The following RDH11 variants were observed in gnomAD, a reference collection of about 807,000 sequenced individuals.
RDH11 encodes the protein retinol dehydrogenase 11.
RDH11 carries 19 observed loss-of-function variants against 33.4 expected under a neutral mutation model. The ratio of observed to expected loss-of-function variants is 0.57; its 90% CI spans 0.40 to 0.83. The LOEUF (loss-of-function observed/expected upper bound fraction) is 0.83. RDH11 is among the 40% of genes least tolerant of loss of function. RDH11 has a pLI of 0.00. For missense variants in RDH11, 353 were observed against 389.0 expected, an observed-to-expected ratio of 0.91 and a Z score of 0.78; for synonymous variants, 154 against 155.3, an observed-to-expected ratio of 0.99 and a Z score of 0.06.
rs139757629 is a variant in RDH11 at position 67,693,164 on chromosome 14, T to C, written c.75-112A>G. 5.2e-3 allele frequency: 3,426 copies of C among 654,946 alleles called. 117 individuals carry two copies. The Admixed American group carries it at 0.071, about 14-fold the overall frequency. 40.6% of individuals were successfully genotyped at this position (654,946 alleles called of 1,614,324 possible). A position where few individuals can be genotyped will look rare whatever the true frequency, so the allele number is the denominator to read the frequency against. On this transcript the variant is annotated intron_variant, in intron 1 of 6. Coordinates refer to ENST00000381346, the MANE Select transcript of RDH11 (RefSeq NM_016026.4). Reference sequence around the variant, plus strand: ...AGGTTTGCTTTAGTTCTTTCCACTGTTGTCCTTTTAAGGAAACAGTGTCCA... The same window carrying C: ...AGGTTTGCTTTAGTTCTTTCCACTGCTGTCCTTTTAAGGAAACAGTGTCCA...
At chr14:67,693,844 T>A (rs1343326378) in intron 1 of RDH11, among the ~76,000 whole-genome samples, 2 of 152,048 alleles carry the variant, frequency 1.3e-5, no homozygotes, top group Non-Finnish European at 2.9e-5. Context: ...AGAGACAGGG[T>A]TTCACCACGC....
At chr14:67,688,821 G>A (rs1338211805) in intron 5 of RDH11, among the ~76,000 whole-genome samples, 1 of 152,134 alleles carries the variant, frequency 6.6e-6, no homozygotes, top group African/African-American at 2.4e-5. Flanking sequence ...CTTGCTAATT[G>A]TCTTTCTCCC....
Position 67,677,218 on chromosome 14 carries a change from AT to A in RDH11, c.*1102del, listed in dbSNP as rs1490922792. 3 of 152,170 alleles carry A rather than the reference AT, an allele frequency of 2.0e-5. No individual in the cohort carries two copies. The highest frequency in any genetic ancestry group is 4.4e-5 in the Non-Finnish European group (3 of 68,034). 9.4% of individuals were successfully genotyped at this position (152,170 alleles called of 1,614,324 possible). ...AAGAAGTCTCCAAATAAAATACAAA[AT>A]TTTGGCACAGACATTTTAATCTTGT... On this transcript the variant is annotated 3_prime_UTR_variant, in exon 7 of 7. Coordinates refer to ENST00000381346, the MANE Select transcript of RDH11 (RefSeq NM_016026.4).
intron 5 of RDH11, among the ~76,000 whole-genome samples, chr14:67,687,759 C>T (rs974878648): frequency 1.3e-5 from 2 of 151,264 alleles, no homozygotes; most frequent in Non-Finnish European, 2.9e-5. Context: ...GCATGAGCCA[C>T]CACGTCCGGC....
chr14:67,691,024 T>C, intron 4 of RDH11, 116 bp downstream of exon 4: 2 of 725,570 alleles, frequency 2.8e-6, no homozygotes, highest in Non-Finnish European at 5.0e-6. Flanking sequence ...TATGCACACA[T>C]GGTCTATTAT....
intron 5 of RDH11, among the ~76,000 whole-genome samples, chr14:67,689,273 T>G (rs1048774142): frequency 1.3e-5 from 2 of 152,232 alleles, no homozygotes; most frequent in African/African-American, 4.8e-5. Context: ...ATTCCAACTA[T>G]AGGGCACCTG....
chr14:67,692,902 A>G, intron 2 of RDH11, 32 bp downstream of exon 2: 1 of 1,377,708 alleles, frequency 7.3e-7, no homozygotes, highest in Non-Finnish European at 1.0e-6. Flanking sequence ...AAACAGCAGT[A>G]ATAGGAGGGA....
Position 67,685,216 on chromosome 14 carries a change from T to A in RDH11, c.665-12A>T. 6.2e-7 allele frequency: 1 copy of A among 1,605,838 alleles called. No individual in the cohort carries two copies. Among genetic ancestry groups the A allele is most frequent in the Non-Finnish European group, 8.5e-7 (1 of 1,175,532 alleles). ...CGTAACGCCAGAGCCTGGTTGGGGG[T>A]GGCATGAAGAGAGGGTAAGACAGGA... On this transcript the variant is annotated splice_polypyrimidine_tract_variant and intron_variant, in intron 5 of 6. Coordinates refer to ENST00000381346, the MANE Select transcript of RDH11 (RefSeq NM_016026.4).
intron 1 of RDH11, among the ~76,000 whole-genome samples, chr14:67,694,516 A>ATT (rs199846421): frequency 2.2e-5 from 3 of 138,490 alleles, no homozygotes; most frequent in Non-Finnish European, 1.5e-5. Context: ...ACACACATAT[A>ATT]TTTTTTTTTT....
chr14:67,684,958 C>A, intron 6 of RDH11, 57 bp downstream of exon 6: 2 of 1,465,910 alleles, frequency 1.4e-6, no homozygotes, highest in South Asian at 1.3e-5. Flanking sequence ...CCAGACAAAC[C>A]CAAATTATCT....
At chr14:67,681,549 G>A (rs1179283353) in intron 6 of RDH11, among the ~76,000 whole-genome samples, 3 of 152,160 alleles carry the variant, frequency 2.0e-5, no homozygotes, top group Non-Finnish European at 2.9e-5. Flanking sequence ...TTGGGAGGCC[G>A]AGGAGGGGGA....
At chr14:67,688,105 C>T (rs2037704267) in intron 5 of RDH11, among the ~76,000 whole-genome samples, 1 of 152,080 alleles carries the variant, frequency 6.6e-6, no homozygotes. Context: ...ACCTCTAATC[C>T]ATTTAATTTC....
intron 3 of RDH11, chr14:67,691,944 T>C (rs2037755753): frequency 6.5e-6 from 1 of 154,100 alleles, no homozygotes; most frequent in African/African-American, 2.4e-5. Context: ...GCTCGGGTTC[T>C]AATTTTTTGC....
Position 67,688,855 on chromosome 14 carries a change from A to G in RDH11, c.664+1357T>C, listed in dbSNP as rs373193881. Among the ~76,000 whole-genome samples, 46 of 152,306 alleles carry G rather than the reference A, an allele frequency of 3.0e-4. 1 individual carries two copies. Among genetic ancestry groups the G allele is most frequent in the African/African-American group, 1.1e-3 (45 of 41,578 alleles). ...CCCCGTTAGATGTAAACCAAACCAA[A>G]GAAGAGACTATACCTATCTTGTTCA... On this transcript the variant is annotated intron_variant, in intron 5 of 6. Transcript: ENST00000381346.
chr14:67,689,967 C>T (rs2037728520), intron 5 of RDH11: 1 of 416,084 alleles, frequency 2.4e-6, no homozygotes, highest in African/African-American at 2.0e-5. Flanking sequence ...AGTTAAGTAA[C>T]TTGCTATAGA....
chr14:67,692,585 C>T lies in RDH11; in HGVS notation c.202G>A (p.Val68Ile). Residue 68 changes from valine (V) to isoleucine (I), a missense_variant, in exon 3 of 7, where the codon GTA becomes ATA. Val to Ile is a conservative substitution (Grantham distance 29). Transcript: ENST00000381346. ...AKELAQRGAR[V>I]YLACRDVEKG... ...TCCACATCCCGGCAAGCTAAATATA[C>T]TCGAGCTCCTGTCAGCCAACATATG... The T allele has an allele frequency of 6.4e-7, 1 of 1,574,056 alleles. No individual in the cohort carries two copies. Among genetic ancestry groups the T allele is most frequent in the African/African-American group, 1.4e-5 (1 of 73,232 alleles).
chr14:67,693,109 G>A, intron 1 of RDH11, 57 bp from the exon 2 acceptor site: 2 of 1,209,012 alleles, frequency 1.7e-6, no homozygotes, highest in Non-Finnish European at 2.4e-6. Context: ...CAGCCAGTAG[G>A]TTCCTGCAAC....
In RDH11 at chr14:67,692,565, A is replaced by G. The variant is rs766813005; in HGVS notation, c.222T>C (p.Asp74=). 1 of 1,603,924 alleles carries G rather than the reference A, an allele frequency of 6.2e-7. No individual in the cohort carries two copies. The highest frequency in any genetic ancestry group is 1.1e-5 in the South Asian group (1 of 89,212). ...TGGCCACCAATTCCCCCTTTTCCAC[A>G]TCCCGGCAAGCTAAATATACTCGAG... ...RGARVYLACR[D]VEKGELVAKE... The change falls in exon 3 of 7, where the codon GAT becomes GAC. Residue 74 remains aspartate (D), a synonymous_variant. Coordinates refer to ENST00000381346, the MANE Select transcript of RDH11 (RefSeq NM_016026.4).
chr14:67,688,445 T>C (rs182326603), intron 5 of RDH11, among the ~76,000 whole-genome samples: 29 of 152,306 alleles, frequency 1.9e-4, no homozygotes, highest in Non-Finnish European at 8.8e-5. Context: ...TTGTGCATGA[T>C]ACATACATAT....
Sources: allele counts gnomAD v4.1 joint callset (sites outside exome capture counted in the v4.1 genomes callset), GRCh38; gene constraint gnomAD v4.1.1; transcripts MANE v1.5; gene names NCBI Gene and HGNC (gene_info 2026-07-23, HGNC 2026-07-21).